The following WDR72 variants were observed in gnomAD, a reference collection of about 807,000 sequenced individuals.
The protein encoded by WDR72 is WD repeat-containing protein 72.
Under a neutral mutation model 124.2 loss-of-function variants are expected in WDR72, and 120 were observed. That is an observed-to-expected ratio of 0.97 (90% confidence interval 0.83 to 1.12). The LOEUF (loss-of-function observed/expected upper bound fraction) is 1.12, where lower values mean the gene tolerates loss of function less well. Ranked by LOEUF, WDR72 falls within the 50% of genes most tolerant of loss-of-function variation. The pLI is 0.00. For missense variants in WDR72, 1,387 were observed against 1,278.8 expected (o/e 1.08, Z -1.29); for synonymous variants, 452 against 441.7 (o/e 1.02, Z -0.29).
intron 13 of WDR72, among the ~76,000 whole-genome samples, chr15:53,695,859 G>C (rs1392171495): frequency 6.6e-6 from 1 of 152,160 alleles, no homozygotes; most frequent in Non-Finnish European, 1.5e-5. Context: ...GTGAGAATAG[G>C]CTCTTATAAA....
At chr15:53,693,489 T>C (rs904808123) in intron 13 of WDR72, among the ~76,000 whole-genome samples, 3 of 152,210 alleles carry the variant, frequency 2.0e-5, no homozygotes, top group Admixed American at 6.5e-5. Flanking sequence ...TTGAAAAACA[T>C]GAGCTATTAG....
chr15:53,626,543 G>GATTTAACAGAGTGAAAAC (rs1393345511), intron 14 of WDR72, among the ~76,000 whole-genome samples: 1 of 152,208 alleles, frequency 6.6e-6, no homozygotes, highest in Non-Finnish European at 1.5e-5. Context: ...GCAGCTGCAA[G>GATTTAACAGAGTGAAAAC]ATTTAACAGA....
intron 1 of WDR72, among the ~76,000 whole-genome samples, chr15:53,734,875 T>C (rs1221967086): frequency 6.6e-6 from 1 of 151,600 alleles, no homozygotes; most frequent in Admixed American, 6.6e-5. Flanking sequence ...GATTCTGGAG[T>C]TATGTATAAT....
intron 16 of WDR72, 152 bp from the exon 17 acceptor site, chr15:53,609,744 G>T (rs1349969078): frequency 2.8e-6 from 2 of 702,658 alleles, no homozygotes; most frequent in Non-Finnish European, 5.0e-6. Context: ...TTATTTTACA[G>T]ATCCTGTGGT....
chr15:53,529,472 T>C (rs1892330446), intron 18 of WDR72, among the ~76,000 whole-genome samples: 1 of 151,902 alleles, frequency 6.6e-6, no homozygotes, highest in Non-Finnish European at 1.5e-5. Context: ...CTACTGAGTA[T>C]ACAATTGAAC....
intron 18 of WDR72, among the ~76,000 whole-genome samples, chr15:53,544,829 T>C (rs1305125256): frequency 6.6e-6 from 1 of 151,902 alleles, no homozygotes; most frequent in East Asian, 1.9e-4. Context: ...GGATACAAAA[T>C]CAACATACAA....
intron 16 of WDR72, among the ~76,000 whole-genome samples, chr15:53,611,416 C>A (rs1036689959): frequency 2.0e-5 from 3 of 151,952 alleles, no homozygotes; most frequent in African/African-American, 7.3e-5. Context: ...GTTAGCAATC[C>A]CCTGTCTTTG....
chr15:53,652,874 T>C (rs886172343), intron 14 of WDR72, among the ~76,000 whole-genome samples: 2 of 152,198 alleles, frequency 1.3e-5, no homozygotes, highest in Admixed American at 1.3e-4. Context: ...TTCTCCCTAA[T>C]ATGCTGGGCA....
chr15:53,560,217 G>A (rs908623328), intron 18 of WDR72, among the ~76,000 whole-genome samples: 1 of 151,872 alleles, frequency 6.6e-6, no homozygotes, highest in African/African-American at 2.4e-5. Context: ...CTTTCATGGT[G>A]CTCTCTGACC....
At chr15:53,616,690 A>C (rs1469080898) in intron 14 of WDR72, among the ~76,000 whole-genome samples, 2 of 152,016 alleles carry the variant, frequency 1.3e-5, no homozygotes, top group Non-Finnish European at 2.9e-5. Context: ...AAGTAATTTA[A>C]ATGTTAACCA....
At position 53,681,837 on chromosome 15, in the gene WDR72, G is replaced by GCA. The variant is rs920865562; in HGVS notation, c.1766-16071_1766-16070dup. On this transcript the variant is annotated intron_variant, in intron 13 of 19. Coordinates refer to ENST00000360509, the MANE Select transcript of WDR72 (RefSeq NM_182758.4). ...AGTTGAATAATATCTCAATTAAAAT[G>GCA]CACACACACACACATCCACAAATAC... Among the ~76,000 whole-genome samples, 4 of 150,970 alleles carry GCA rather than the reference G, an allele frequency of 2.6e-5. No homozygotes were observed. The South Asian group carries it at 6.3e-4, about 24-fold the overall frequency.
At chr15:53,617,948 T>C (rs2013835428) in intron 14 of WDR72, among the ~76,000 whole-genome samples, 1 of 152,032 alleles carries the variant, frequency 6.6e-6, no homozygotes, top group South Asian at 2.1e-4. Flanking sequence ...TCACATGTTT[T>C]ATTTCTGGAT....
chr15:53,648,687 A>C (rs2015128419), intron 14 of WDR72, among the ~76,000 whole-genome samples: 1 of 152,110 alleles, frequency 6.6e-6, no homozygotes, highest in Non-Finnish European at 1.5e-5. Context: ...TGGCCACCAG[A>C]TATTTCAGTC....
intron 12 of WDR72, among the ~76,000 whole-genome samples, 193 bp downstream of exon 12, chr15:53,701,941 T>C (rs2017192804): frequency 6.6e-6 from 1 of 152,142 alleles, no homozygotes; most frequent in Admixed American, 6.5e-5. Flanking sequence ...CTAATGTAAG[T>C]TATAATAATA....
intron 13 of WDR72, among the ~76,000 whole-genome samples, chr15:53,687,558 T>G (rs1415188844): frequency 6.6e-6 from 1 of 150,598 alleles, no homozygotes; most frequent in Non-Finnish European, 1.5e-5. Flanking sequence ...TCTGAAATTG[T>G]GGCAATAATC....
chr15:53,691,328 G>A (rs2016832948), intron 13 of WDR72, among the ~76,000 whole-genome samples: 1 of 152,154 alleles, frequency 6.6e-6, no homozygotes, highest in South Asian at 2.1e-4. Context: ...TGAAATTACA[G>A]GCATGAGCCA....
chr15:53,597,336 C>CA, intron 17 of WDR72, 62 bp from the exon 18 acceptor site: 14 of 1,523,200 alleles, frequency 9.2e-6, no homozygotes, highest in Middle Eastern at 1.8e-4. Flanking sequence ...GGGTATGTTG[C>CA]AAAAAATCCA....
intron 13 of WDR72, among the ~76,000 whole-genome samples, chr15:53,678,123 G>T (rs563294082): frequency 6.6e-6 from 1 of 152,158 alleles, no homozygotes; most frequent in African/African-American, 2.4e-5. Context: ...ACAGAGAAGA[G>T]AACTGAAGAA....
chr15:53,661,540 C>T (rs893216694), intron 14 of WDR72, among the ~76,000 whole-genome samples: 2 of 152,136 alleles, frequency 1.3e-5, no homozygotes, highest in African/African-American at 2.4e-5. Flanking sequence ...CAAATTTCAA[C>T]GTAAGGTTGG....
Sources: gnomAD v4.1 joint callset for allele counts (sites outside exome capture counted in the v4.1 genomes callset) on GRCh38, gnomAD v4.1.1 for gene constraint, MANE v1.5 for transcripts, NCBI Gene and HGNC (gene_info 2026-07-23, HGNC 2026-07-21) for gene names.